BTBD9: variants seen among roughly 807,000 people sequenced by gnomAD.
BTBD9 encodes BTB/POZ domain-containing protein 9.
A neutral mutation model predicts 64.3 loss-of-function variants in BTBD9; 49 were observed. That is an observed-to-expected ratio of 0.76 (90% CI 0.61 to 0.97). The LOEUF (loss-of-function observed/expected upper bound fraction) is 0.97, where lower values mean the gene tolerates loss of function less well. Among genes scored for constraint, BTBD9 ranks in the 50% least tolerant of loss-of-function variants. BTBD9 has a pLI of 0.00. For missense variants in BTBD9, 598 were observed against 762.1 expected, an observed-to-expected ratio of 0.78 and a Z score of 2.53; for synonymous variants, 260 against 274.7, an observed-to-expected ratio of 0.95 and a Z score of 0.53.
At chr6:38,200,636 C>T (rs1323291490) in intron 9 of BTBD9, among the ~76,000 whole-genome samples, 1 of 152,070 alleles carries the variant, frequency 6.6e-6, no homozygotes, top group African/African-American at 2.4e-5. Context: ...TTCTGAACAA[C>T]TATATGCTAA....
At chr6:38,625,258 T>C (rs1044314180) in intron 1 of BTBD9, among the ~76,000 whole-genome samples, 9 of 152,200 alleles carry the variant, frequency 5.9e-5, no homozygotes, top group Non-Finnish European at 1.2e-4. Flanking sequence ...ACATGTTTTG[T>C]TGCCTTAGTC....
At chr6:38,585,611 A>G (rs1046368110) in intron 4 of BTBD9, among the ~76,000 whole-genome samples, 1 of 152,152 alleles carries the variant, frequency 6.6e-6, no homozygotes. Context: ...CACCCAGCTC[A>G]AAGAGCTTTG....
chr6:38,633,792 T>TA (rs564631129), intron 1 of BTBD9, among the ~76,000 whole-genome samples: 2,375 of 149,750 alleles, frequency 0.016, 43 homozygotes, highest in African/African-American at 0.054. Flanking sequence ...ATTTGATTGC[T>TA]AAAAAAAAAA....
At chr6:38,221,953 T>C (rs1188875750) in intron 9 of BTBD9, among the ~76,000 whole-genome samples, 1 of 151,872 alleles carries the variant, frequency 6.6e-6, no homozygotes, top group South Asian at 2.1e-4. Flanking sequence ...AGTGCACCAC[T>C]GTACTCCAGC....
In BTBD9 at chr6:38,346,986, G is replaced by A. The variant is rs80199543; in HGVS notation, c.1155-1893C>T. Among the ~76,000 whole-genome samples, 755 of 152,300 alleles carry A rather than the reference G, an allele frequency of 5.0e-3. 3 individuals carry two copies. The highest frequency in any genetic ancestry group is 8.2e-3 in the Non-Finnish European group (556 of 68,016). On this transcript the variant is annotated intron_variant, in intron 6 of 10. Transcript: ENST00000481247. ...ACTGTGCACAGAAGAGCCAGGAAGT[G>A]ACTAACAGGGCCTTTTCCCAATGGC...
intron 6 of BTBD9, among the ~76,000 whole-genome samples, chr6:38,486,588 C>G (rs1170393777): frequency 6.6e-6 from 1 of 152,150 alleles, no homozygotes; most frequent in African/African-American, 2.4e-5. Context: ...GTGGAGCAGT[C>G]AGAATACACA....
intron 6 of BTBD9, among the ~76,000 whole-genome samples, chr6:38,480,088 G>A (rs1771067829): frequency 1.3e-5 from 2 of 152,140 alleles, no homozygotes; most frequent in Non-Finnish European, 2.9e-5. Flanking sequence ...AAATAGAAGG[G>A]AAAAAAGCAA....
chr6:38,474,581 A>G (rs1022384486), intron 6 of BTBD9, among the ~76,000 whole-genome samples: 2 of 152,126 alleles, frequency 1.3e-5, no homozygotes, highest in African/African-American at 2.4e-5. Flanking sequence ...AAGAAAAAGG[A>G]AAGAGCTGAG....
At chr6:38,327,750 C>T (rs918550742) in intron 7 of BTBD9, among the ~76,000 whole-genome samples, 4 of 152,176 alleles carry the variant, frequency 2.6e-5, no homozygotes, top group African/African-American at 9.7e-5. Flanking sequence ...CTTTCGTTGT[C>T]ACAGATTAGT....
intron 6 of BTBD9, among the ~76,000 whole-genome samples, chr6:38,507,932 C>T (rs1286071011): frequency 6.7e-6 from 1 of 148,746 alleles, no homozygotes; most frequent in Admixed American, 6.9e-5. Flanking sequence ...CTCCTAGGTT[C>T]ACGCCATTCT....
At chr6:38,510,127 G>A (rs906532095) in intron 6 of BTBD9, among the ~76,000 whole-genome samples, 1 of 152,196 alleles carries the variant, frequency 6.6e-6, no homozygotes, top group Non-Finnish European at 1.5e-5. Flanking sequence ...ATACTGTCAT[G>A]CTTAACAACT....
At chr6:38,335,637 C>G (rs899869816) in intron 7 of BTBD9, among the ~76,000 whole-genome samples, 3 of 151,990 alleles carry the variant, frequency 2.0e-5, no homozygotes, top group African/African-American at 7.3e-5. Flanking sequence ...ATGATCTCGA[C>G]TCACTGCAAC....
At chr6:38,215,521 G>A (rs1302557206) in intron 9 of BTBD9, among the ~76,000 whole-genome samples, 1 of 152,166 alleles carries the variant, frequency 6.6e-6, no homozygotes. Flanking sequence ...GGATGACGTC[G>A]CACATACCCA....
chr6:38,295,159 A>C (rs1219611560), intron 7 of BTBD9, among the ~76,000 whole-genome samples: 1 of 151,956 alleles, frequency 6.6e-6, no homozygotes, highest in Non-Finnish European at 1.5e-5. Context: ...TTTTCAAAAA[A>C]ATTCTATTAT....
chr6:38,171,363 T>A lies in BTBD9; in HGVS notation c.*3622A>T, dbSNP rs1425827901. 1 of 152,160 alleles carries A rather than the reference T, an allele frequency of 6.6e-6. No homozygotes were observed. Among genetic ancestry groups the A allele is most frequent in the Non-Finnish European group, 1.5e-5 (1 of 68,024 alleles). The allele number at this position is 152,160 out of a possible 1,614,324, so 9.4% of individuals were successfully genotyped here. ...ACATCCTACTCTTGCTGAAAATAAT[T>A]TCTTTTCCCAACTCTTCTAGGAATA... On this transcript the variant is annotated 3_prime_UTR_variant, in exon 11 of 11. Coordinates refer to ENST00000481247, the MANE Select transcript of BTBD9 (RefSeq NM_001099272.2).
intron 6 of BTBD9, among the ~76,000 whole-genome samples, chr6:38,346,586 C>T (rs570535486): frequency 3.5e-5 from 5 of 141,598 alleles, no homozygotes; most frequent in African/African-American, 5.3e-5. Context: ...TTCAAGCCCT[C>T]AAGGCAGACA....
At chr6:38,421,687 G>A (rs977060568) in intron 6 of BTBD9, among the ~76,000 whole-genome samples, 72 of 152,310 alleles carry the variant, frequency 4.7e-4, no homozygotes, top group African/African-American at 1.5e-3. Flanking sequence ...ATAAATGGAC[G>A]AGAGGCCGAC....
At chr6:38,384,534 T>C (rs2127617435) in intron 6 of BTBD9, among the ~76,000 whole-genome samples, 1 of 152,310 alleles carries the variant, frequency 6.6e-6, no homozygotes, top group Middle Eastern at 3.4e-3. Flanking sequence ...AGTCAGCACT[T>C]ATAAACTGCA....
intron 6 of BTBD9, among the ~76,000 whole-genome samples, chr6:38,560,946 G>A (rs758758689): frequency 2.0e-5 from 3 of 152,182 alleles, no homozygotes; most frequent in Non-Finnish European, 2.9e-5. Context: ...GTATTCCATG[G>A]TGTATATGTA....
Sources: gnomAD v4.1 joint callset for allele counts (sites outside exome capture counted in the v4.1 genomes callset) on GRCh38, gnomAD v4.1.1 for gene constraint, MANE v1.5 for transcripts, NCBI Gene and HGNC (gene_info 2026-07-23, HGNC 2026-07-21) for gene names.